Variants in UBAP2L observed in about 807,000 individuals in gnomAD.
UBAP2L encodes the protein ubiquitin-associated protein 2-like.
In UBAP2L, 12 loss-of-function variants were observed where a neutral mutation model predicts 130.6. That is an observed-to-expected ratio of 0.09 (90% CI 0.06 to 0.15). The LOEUF (loss-of-function observed/expected upper bound fraction) is 0.15. Among genes scored for constraint, UBAP2L ranks in the 10% least tolerant of loss-of-function variants. The probability of loss-of-function intolerance (pLI) is 1.00; values close to 1 mark genes in which losing one functional copy is unlikely to be tolerated. For synonymous variants in UBAP2L, 503 were observed against 524.7 expected (o/e 0.96, Z 0.57); for missense variants, 965 against 1,332.5 (o/e 0.72, Z 4.29).
intron 14 of UBAP2L, among the ~76,000 whole-genome samples, chr1:154,253,633 A>G (rs988415041): frequency 6.6e-6 from 1 of 152,008 alleles, no homozygotes; most frequent in African/African-American, 2.4e-5. Flanking sequence ...CGACCTTCCA[A>G]AGTGCTGGGA....
intron 24 of UBAP2L, chr1:154,263,166 T>C (rs1353167835): frequency 1.6e-5 from 25 of 1,551,864 alleles, no homozygotes; most frequent in Non-Finnish European, 2.1e-5. Context: ...GGCCCAAGGC[T>C]GGGGGCTGTG....
chr1:154,259,012 T>G lies in UBAP2L; in HGVS notation c.2478T>G (p.Leu826=), dbSNP rs377236644. The G allele has an allele frequency of 6.2e-7, 1 of 1,614,002 alleles. No homozygotes were observed. Among genetic ancestry groups the G allele is most frequent in the East Asian group, 2.2e-5 (1 of 44,882 alleles). The part of the protein sequence containing the change: ...QVYGYDDLQM[L]QTRFPLDYYS... ...ATGGTTATGATGACTTGCAGATGCT[T>G]CAGACAAGATTTCCATTGGTGAGTA... Residue 826 remains leucine (L), a synonymous_variant, in exon 21 of 27, where the codon CTT becomes CTG. Coordinates refer to ENST00000428931, the MANE Select transcript of UBAP2L (RefSeq NM_014847.4).
At chr1:154,254,749 C>T in intron 15 of UBAP2L, 87 bp from the exon 16 acceptor site, 1 of 1,401,530 alleles carries the variant, frequency 7.1e-7, no homozygotes, top group Non-Finnish European at 9.8e-7. Flanking sequence ...GATTTGTTGA[C>T]CAAAATAAAG....
chr1:154,242,399 A>G (rs972163693), intron 9 of UBAP2L, among the ~76,000 whole-genome samples: 1 of 152,220 alleles, frequency 6.6e-6, no homozygotes, highest in Non-Finnish European at 1.5e-5. Flanking sequence ...TCAGCATCAC[A>G]GGGTGATTAT....
rs138299294 is a variant in UBAP2L, at chr1:154,250,424, C to G, written c.1214-617C>G. ...CAACGTTATGCCAAGATATGCCATGCCTTGTTTTTGCTTAAAGCCAGTTTC... is the reference window on the plus strand; with the variant it reads ...CAACGTTATGCCAAGATATGCCATGGCTTGTTTTTGCTTAAAGCCAGTTTC... On this transcript the variant is annotated intron_variant, in intron 12 of 26. Transcript: ENST00000428931. 3.5e-3 allele frequency among the ~76,000 whole-genome samples: 529 copies of G among 152,096 alleles called. 5 individuals carry two copies. The highest frequency in any genetic ancestry group is 0.012 in the African/African-American group (497 of 41,464).
In UBAP2L at chr1:154,254,890, G is replaced by A; in HGVS notation, c.1909G>A (p.Gly637Ser). The A allele has an allele frequency of 1.3e-6, 2 of 1,598,804 alleles. No homozygotes were observed. The highest frequency in any genetic ancestry group is 1.7e-6 in the Non-Finnish European group (2 of 1,176,246). ...TQLQTTQSVE[G>S]ATGSAVKSDS... ...GTTACAGACCACACAATCTGTTGAAGGTGAGTGTTCTTCAGGCTTTTCCCC... is the reference window on the plus strand; with the variant it reads ...GTTACAGACCACACAATCTGTTGAAAGTGAGTGTTCTTCAGGCTTTTCCCC... Residue 637 changes from glycine (G) to serine (S), a missense_variant and splice_region_variant, in exon 16 of 27, where the codon GGT becomes AGT. Physicochemically the swap from Gly to Ser is moderately conservative, Grantham distance 56. Around this residue, in one of 9 missense-constraint regions of UBAP2L, gnomAD observed 393 missense variants for 408.1 expected, o/e 0.96. Transcript: ENST00000428931.
intron 2 of UBAP2L, among the ~76,000 whole-genome samples, chr1:154,225,784 TTTC>T (rs1386606702): frequency 6.6e-6 from 1 of 152,218 alleles, no homozygotes; most frequent in East Asian, 1.9e-4. Context: ...TAGCAATACC[TTTC>T]TATTTCTTAG....
chr1:154,255,023 T>C, intron 16 of UBAP2L, 129 bp from the exon 17 acceptor site: 2 of 1,412,036 alleles, frequency 1.4e-6, no homozygotes, highest in African/African-American at 1.4e-5. Flanking sequence ...GAAAAAAGAT[T>C]CTACCTAATA....
At chr1:154,237,886 C>T (rs1450468054) in intron 8 of UBAP2L, among the ~76,000 whole-genome samples, 3 of 152,144 alleles carry the variant, frequency 2.0e-5, no homozygotes, top group East Asian at 1.9e-4. Context: ...GGGGTGGATA[C>T]GTGTGCCACT....
intron 24 of UBAP2L, 47 bp from the exon 25 acceptor site, chr1:154,266,454 A>G (rs1158922738): frequency 6.3e-7 from 1 of 1,585,896 alleles, no homozygotes; most frequent in Non-Finnish European, 8.7e-7. Flanking sequence ...AATAAGGGCC[A>G]GGTAGCTAGC....
intron 1 of UBAP2L, among the ~76,000 whole-genome samples, chr1:154,222,722 G>C (rs1209301087): frequency 6.6e-6 from 1 of 152,174 alleles, no homozygotes; most frequent in Non-Finnish European, 1.5e-5. Flanking sequence ...AAATTAGATT[G>C]TAAGCTCCCT....
intron 8 of UBAP2L, among the ~76,000 whole-genome samples, chr1:154,239,516 T>C (rs1469062368): frequency 6.6e-6 from 1 of 152,246 alleles, no homozygotes; most frequent in African/African-American, 2.4e-5. Flanking sequence ...GATTGCTTTC[T>C]GCTAATGGAA....
Position 154,229,421 on chromosome 1 carries a change from G to A in UBAP2L, c.279+696G>A, listed in dbSNP as rs187707329. On this transcript the variant is annotated intron_variant, in intron 4 of 26. Coordinates refer to ENST00000428931, the MANE Select transcript of UBAP2L (RefSeq NM_014847.4). ...TGACTGCCTTATTGATCTTCAGAAT[G>A]TTCCTGCAGTGCTTACTAGAGAAAT... 6.6e-5 allele frequency among the ~76,000 whole-genome samples: 10 copies of A among 152,114 alleles called. No homozygotes were observed. The East Asian group carries it at 1.9e-3, about 29-fold the overall frequency.
chr1:154,233,024 T>TC (rs1376281804), intron 4 of UBAP2L, among the ~76,000 whole-genome samples: 6 of 151,712 alleles, frequency 4.0e-5, no homozygotes, highest in East Asian at 3.9e-4. Flanking sequence ...TTTTCTTTTT[T>TC]TTTTTTTTGA....
At chr1:154,260,453 C>A (rs904073895) in intron 22 of UBAP2L, among the ~76,000 whole-genome samples, 6 of 152,232 alleles carry the variant, frequency 3.9e-5, no homozygotes, top group Non-Finnish European at 7.3e-5. Context: ...TGCTACTACT[C>A]ACAGTGGCAA....
At chr1:154,268,700 T>G (rs1684071012) in intron 25 of UBAP2L, 57 bp from the exon 26 acceptor site, 1 of 1,577,638 alleles carries the variant, frequency 6.3e-7, no homozygotes, top group African/African-American at 1.3e-5. Context: ...TCAGGAAAAA[T>G]CCCAAGACTA....
chr1:154,266,892 G>T (rs929138818), intron 25 of UBAP2L, among the ~76,000 whole-genome samples: 4 of 152,108 alleles, frequency 2.6e-5, no homozygotes, highest in African/African-American at 9.7e-5. Context: ...AAGAGAATAA[G>T]TATGAGAGTG....
At chr1:154,251,004 G>A (rs1385035178) in intron 12 of UBAP2L, 37 bp from the exon 13 acceptor site, 1 of 1,571,944 alleles carries the variant, frequency 6.4e-7, no homozygotes, top group Non-Finnish European at 8.6e-7. Flanking sequence ...AGATTCATTA[G>A]CATCTCTGGC....
chr1:154,268,188 C>T (rs1558239368), intron 25 of UBAP2L, among the ~76,000 whole-genome samples: 3 of 149,332 alleles, frequency 2.0e-5, no homozygotes, highest in Non-Finnish European at 4.5e-5. Flanking sequence ...TGCGCCCAGC[C>T]TTTTTTTTTC....
Sources: allele counts gnomAD v4.1 joint callset (sites outside exome capture counted in the v4.1 genomes callset), GRCh38; gene constraint gnomAD v4.1.1; regional missense constraint gnomAD v4.1.1; transcripts MANE v1.5; gene names NCBI Gene and HGNC (gene_info 2026-07-23, HGNC 2026-07-21).